Variants in OR8B12 observed in about 807,000 individuals in gnomAD.
The protein encoded by OR8B12 is olfactory receptor 8B12.
For missense variants in OR8B12, 383 were observed against 376.4 expected, an observed-to-expected ratio of 1.02 and a Z score of -0.14; for synonymous variants, 152 against 148.8, an observed-to-expected ratio of 1.02 and a Z score of -0.16.
Position 124,543,307 on chromosome 11 carries a change from C to A in OR8B12, c.348G>T (p.Ala116=). 2.5e-6 allele frequency: 4 copies of A among 1,613,976 alleles called. No individual in the cohort carries two copies. Among genetic ancestry groups the A allele is most frequent in the Non-Finnish European group, 3.4e-6 (4 of 1,179,966 alleles). Residue 116 remains alanine (A), a synonymous_variant, in exon 1 of 1, where the codon GCG becomes GCT. Transcript: ENST00000306842. The part of the protein sequence containing the change: ...FVVSESFILS[A]MAYDRYVAIC... The stretch of plus-strand genomic sequence containing the variant: ...TGGCCACGTAGCGGTCATACGCCAT[C>A]GCTGACAGGATGAAGGACTCAGAGA...
rs1003571367 is a variant in OR8B12 at position 124,542,776 on chromosome 11, G to C, written c.879C>G (p.Asn293Lys). The change falls in exon 1 of 1, where the codon AAC becomes AAG. Residue 293 changes from asparagine (N) to lysine (K), a missense_variant. Coordinates refer to ENST00000306842, the MANE Select transcript of OR8B12 (RefSeq NM_001005195.1). The stretch of plus-strand genomic sequence containing the variant: ...TCCTCAGGGCAACTTTGACATCCTT[G>C]TTCCTCAAGCTATAGATTAATGGGT... ...VLNPLIYSLR[N>K]KDVKVALRRT... is the part of the protein sequence containing the mutation. 1.2e-6 allele frequency: 2 copies of C among 1,608,714 alleles called. No homozygotes were observed. Among genetic ancestry groups the C allele is most frequent in the African/African-American group, 2.7e-5 (2 of 74,572 alleles).
In OR8B12 at chr11:124,543,274, G is replaced by C. The variant is rs779306112; in HGVS notation, c.381C>G (p.Asn127Lys). The part of the protein sequence containing the change: ...MAYDRYVAIC[N>K]PLLYTVTMSC... ...ACATGGTGACTGTGTACAACAGTGG[G>C]TTACAGATGGCCACGTAGCGGTCAT... The change falls in exon 1 of 1, where the codon AAC becomes AAG. Residue 127 changes from asparagine (N) to lysine (K), a missense_variant. Physicochemically the swap from Asn to Lys is moderately conservative, Grantham distance 94. Coordinates refer to ENST00000306842, the MANE Select transcript of OR8B12 (RefSeq NM_001005195.1). 1.2e-6 allele frequency: 2 copies of C among 1,614,092 alleles called. No individual in the cohort carries two copies. Among genetic ancestry groups the C allele is most frequent in the Non-Finnish European group, 1.7e-6 (2 of 1,180,000 alleles).
chr11:124,542,884 C>A lies in OR8B12; in HGVS notation c.771G>T (p.Met257Ile). 1 of 1,613,958 alleles carries A rather than the reference C, an allele frequency of 6.2e-7. No homozygotes were observed. Among genetic ancestry groups the A allele is most frequent in the Non-Finnish European group, 8.5e-7 (1 of 1,179,968 alleles). Reference protein sequence around the residue: ...VSLFFGSGAFMYLKPLSILPL... With the variant: ...VSLFFGSGAFIYLKPLSILPL... ...GCAGGATGGAAAGGGGTTTGAGATA[C>A]ATGAAAGCACCAGAACCAAAGAAAA... Residue 257 changes from methionine to isoleucine, a missense_variant, in exon 1 of 1, where the codon ATG becomes ATT. By Grantham distance (10) the Met-to-Ile change is conservative. Transcript: ENST00000306842.
Position 124,542,728 on chromosome 11 carries a change from A to C in OR8B12, c.927T>G (p.Phe309Leu). 6.4e-7 allele frequency: 1 copy of C among 1,573,730 alleles called. No homozygotes were observed. Among genetic ancestry groups the C allele is most frequent in the Non-Finnish European group, 8.6e-7 (1 of 1,161,154 alleles). ...CTCCAATACTAATCCTTTCTTAAGA[A>C]AAGATTTTTCTGCCCAAAGTTCTCC... ...ALRRTLGRKI[F>L]S Residue 309 changes from phenylalanine (F) to leucine (L), a missense_variant, in exon 1 of 1, where the codon TTT (phenylalanine) becomes TTG (leucine). Phe to Leu is a conservative substitution (Grantham distance 22, BLOSUM62 0). Coordinates refer to ENST00000306842, the MANE Select transcript of OR8B12 (RefSeq NM_001005195.1).
rs61746453 is a variant in OR8B12, at chr11:124,543,595, C to T, written c.60G>A (p.Pro20=). 7,686 of 1,613,988 alleles carry T rather than the reference C, an allele frequency of 4.8e-3. 246 individuals carry two copies. The African/African-American group carries it at 0.074, about 16-fold the overall frequency. The change falls in exon 1 of 1, where the codon CCG becomes CCA. Residue 20 remains proline, a synonymous_variant. Coordinates refer to ENST00000306842, the MANE Select transcript of OR8B12 (RefSeq NM_001005195.1). ...GGAAGAAGAGGGGGATCCGCAGTCC[C>T]GGCTGGTGGGTTAAGCCTTCGAGGA... The part of the protein sequence containing the change: ...EFILEGLTHQ[P]GLRIPLFFLF...
chr11:124,543,111 G>T lies in OR8B12; in HGVS notation c.544C>A (p.Pro182Thr). ...CTGTTGCAGGAGAGCTCAAGGAGAG[G>T]AAGGATGTCACACATGAAATGATTG... ...LVNHFMCDIL[P>T]LLELSCNSSY... Residue 182 changes from proline to threonine, a missense_variant, in exon 1 of 1, where the codon CCT (proline) becomes ACT (threonine). Physicochemically the swap from Pro to Thr is conservative, Grantham distance 38. Transcript: ENST00000306842. The T allele has an allele frequency of 2.5e-6, 4 of 1,614,058 alleles. No homozygotes were observed. Among genetic ancestry groups the T allele is most frequent in the South Asian group, 2.2e-5 (2 of 91,072 alleles).
In OR8B12 at chr11:124,543,127, G is replaced by A. The variant is rs755608876; in HGVS notation, c.528C>T (p.Phe176=). The A allele has an allele frequency of 6.2e-7, 1 of 1,614,018 alleles. No homozygotes were observed. Among genetic ancestry groups the A allele is most frequent in the Non-Finnish European group, 8.5e-7 (1 of 1,179,992 alleles). Residue 176 remains phenylalanine, a synonymous_variant, in exon 1 of 1, where the codon TTC becomes TTT. Coordinates refer to ENST00000306842, the MANE Select transcript of OR8B12 (RefSeq NM_001005195.1). The part of the protein sequence containing the change: ...TFCADNLVNH[F]MCDILPLLEL... ...CAAGGAGAGGAAGGATGTCACACAT[G>A]AAATGATTGACAAGGTTGTCAGCAC...
rs1156744991 is a variant in OR8B12 at position 124,542,858 on chromosome 11, G to A, written c.797C>T (p.Pro266Leu). ...FMYLKPLSIL[P>L]LEQGKVSSLF... ...GGAGGACACTTTCCCTTGCTCGAGGGGCAGGATGGAAAGGGGTTTGAGATA... is the reference window on the plus strand; with the variant it reads ...GGAGGACACTTTCCCTTGCTCGAGGAGCAGGATGGAAAGGGGTTTGAGATA... The change falls in exon 1 of 1, where the codon CCC becomes CTC. Residue 266 changes from proline (P) to leucine (L), a missense_variant. Pro to Leu is a moderately conservative substitution (Grantham distance 98). Coordinates refer to ENST00000306842, the MANE Select transcript of OR8B12 (RefSeq NM_001005195.1). The A allele has an allele frequency of 6.2e-7, 1 of 1,613,864 alleles. No homozygotes were observed. Among genetic ancestry groups the A allele is most frequent in the Admixed American group, 1.7e-5 (1 of 59,976 alleles).
chr11:124,542,800 G>T lies in OR8B12; in HGVS notation c.855C>A (p.Asn285Lys). 6.2e-7 allele frequency: 1 copy of T among 1,613,852 alleles called. No individual in the cohort carries two copies. Among genetic ancestry groups the T allele is most frequent in the South Asian group, 1.1e-5 (1 of 91,002 alleles). ...TGTTCCTCAAGCTATAGATTAATGG[G>T]TTTAACACGGGGACTATTATGGTAT... ...LFYTIIVPVL[N>K]PLIYSLRNKD... The change falls in exon 1 of 1, where the codon AAC (asparagine) becomes AAA (lysine). Residue 285 changes from asparagine to lysine, a missense_variant. Transcript: ENST00000306842.
rs777556858 is a variant in OR8B12 at position 124,542,897 on chromosome 11, G to A, written c.758C>T (p.Ser253Phe). The A allele has an allele frequency of 1.2e-6, 2 of 1,613,994 alleles. No homozygotes were observed. Among genetic ancestry groups the A allele is most frequent in the Admixed American group, 3.3e-5 (2 of 59,984 alleles). The part of the protein sequence containing the change: ...HIIVVSLFFG[S>F]GAFMYLKPLS... ...GGGTTTGAGATACATGAAAGCACCA[G>A]AACCAAAGAAAAGAGAAACTACAAT... is the stretch of plus-strand genomic sequence containing the variant. The change falls in exon 1 of 1, where the codon TCT (serine) becomes TTT (phenylalanine). Residue 253 changes from serine to phenylalanine, a missense_variant. By Grantham distance (155) the Ser-to-Phe change is radical. Transcript: ENST00000306842.
In OR8B12 at chr11:124,543,424, A is replaced by G. The variant is rs1465842925; in HGVS notation, c.231T>C (p.Thr77=). The G allele has an allele frequency of 9.3e-6, 15 of 1,613,876 alleles. No homozygotes were observed. In the Admixed American group the frequency reaches 2.0e-4, roughly 22 times the overall value. The change falls in exon 1 of 1, where the codon ACT becomes ACC. Residue 77 remains threonine, a synonymous_variant. Coordinates refer to ENST00000306842, the MANE Select transcript of OR8B12 (RefSeq NM_001005195.1). ...AGACAAAACTCATCAGCATTTTGGG[A>G]GTGATGGTAGTGGAGAAACAGAAAT... ...LIDFCFSTTI[T]PKMLMSFVSR...
chr11:124,542,837 G>A lies in OR8B12; in HGVS notation c.818C>T (p.Ser273Phe). The A allele has an allele frequency of 6.2e-7, 1 of 1,613,844 alleles. No individual in the cohort carries two copies. The highest frequency in any genetic ancestry group is 8.5e-7 in the Non-Finnish European group (1 of 1,179,788). The part of the protein sequence containing the change: ...SILPLEQGKV[S>F]SLFYTIIVPV... ...GACTATTATGGTATAGAACAGGGAG[G>A]ACACTTTCCCTTGCTCGAGGGGCAG... The change falls in exon 1 of 1, where the codon TCC becomes TTC. Residue 273 changes from serine to phenylalanine, a missense_variant. Ser to Phe is a radical substitution (Grantham distance 155, BLOSUM62 -2). Coordinates refer to ENST00000306842, the MANE Select transcript of OR8B12 (RefSeq NM_001005195.1).
rs376653327 is a variant in OR8B12 at position 124,543,071 on chromosome 11, T to C, written c.584A>G (p.Glu195Gly). 58 of 1,613,978 alleles carry C rather than the reference T, an allele frequency of 3.6e-5. No individual in the cohort carries two copies. In the East Asian group the frequency reaches 1.2e-3, roughly 34 times the overall value. ...AGCCACCACAATAAAGACCACCAGC[T>C]CATTCATGTAAGAGCTGTTGCAGGA... Reference protein sequence around the residue: ...ELSCNSSYMNELVVFIVVAVD... With the variant: ...ELSCNSSYMNGLVVFIVVAVD... The change falls in exon 1 of 1, where the codon GAG becomes GGG. Residue 195 changes from glutamate to glycine, a missense_variant. Coordinates refer to ENST00000306842, the MANE Select transcript of OR8B12 (RefSeq NM_001005195.1).
In OR8B12 at chr11:124,542,942, C is replaced by T. The variant is rs61747005; in HGVS notation, c.713G>A (p.Ser238Asn). The change falls in exon 1 of 1, where the codon AGT (serine) becomes AAT (asparagine). Residue 238 changes from serine (S) to asparagine (N), a missense_variant. By Grantham distance (46) the Ser-to-Asn change is conservative. Transcript: ENST00000306842. Reference protein sequence around the residue: ...SSTEGRSKAFSTCSSHIIVVS... With the variant: ...SSTEGRSKAFNTCSSHIIVVS... ...TACAATTATGTGGGAACTGCAAGTA[C>T]TAAAGGCTTTGGACCTGCCTTCTGT... 0.059 allele frequency: 95,179 copies of T among 1,613,762 alleles called. 3,156 individuals carry two copies. The highest frequency in any genetic ancestry group is 0.1 in the African/African-American group (7,873 of 74,986).
Position 124,543,469 on chromosome 11 carries a change from A to T in OR8B12, c.186T>A (p.Leu62=), listed in dbSNP as rs748651071. 3.7e-6 allele frequency: 6 copies of T among 1,614,104 alleles called. No homozygotes were observed. In the Admixed American group the frequency reaches 5.0e-5, roughly 13 times the overall value. ...AGAAATCTATTAAAGAGAGGTTAAA[A>T]AGGAAGAAGTACATGGGAGTGTGCA... ...SHLHTPMYFF[L]FNLSLIDFCF... is the part of the protein sequence containing the mutation. Residue 62 remains leucine (L), a synonymous_variant, in exon 1 of 1, where the codon CTT becomes CTA. Coordinates refer to ENST00000306842, the MANE Select transcript of OR8B12 (RefSeq NM_001005195.1).
In OR8B12 at chr11:124,543,406, A is replaced by G; in HGVS notation, c.249T>C (p.Ser83=). 1.2e-6 allele frequency: 2 copies of G among 1,614,096 alleles called. No homozygotes were observed. Among genetic ancestry groups the G allele is most frequent in the Non-Finnish European group, 1.7e-6 (2 of 1,179,980 alleles). ...AAATGATGTTCTTCCTTGAGACAAAACTCATCAGCATTTTGGGAGTGATGG... is the reference window on the plus strand; with the variant it reads ...AAATGATGTTCTTCCTTGAGACAAAGCTCATCAGCATTTTGGGAGTGATGG... ...STTITPKMLM[S]FVSRKNIISF... is the part of the protein sequence containing the mutation. Residue 83 remains serine (S), a synonymous_variant, in exon 1 of 1, where the codon AGT becomes AGC. Transcript: ENST00000306842.
In OR8B12 at chr11:124,542,900, C is replaced by T. The variant is rs147309924; in HGVS notation, c.755G>A (p.Gly252Asp). ...SHIIVVSLFF[G>D]SGAFMYLKPL... Reference sequence around the variant, plus strand: ...TTTGAGATACATGAAAGCACCAGAACCAAAGAAAAGAGAAACTACAATTAT... The same window carrying T: ...TTTGAGATACATGAAAGCACCAGAATCAAAGAAAAGAGAAACTACAATTAT... Residue 252 changes from glycine to aspartate, a missense_variant, in exon 1 of 1, where the codon GGT (glycine) becomes GAT (aspartate). Gly to Asp is a moderately conservative substitution (Grantham distance 94). Transcript: ENST00000306842. The T allele has an allele frequency of 1.3e-5, 21 of 1,613,804 alleles. No individual in the cohort carries two copies. The highest frequency in any genetic ancestry group is 1.7e-5 in the Non-Finnish European group (20 of 1,179,980).
rs1003571367 is a variant in OR8B12 at position 124,542,776 on chromosome 11, G to T, written c.879C>A (p.Asn293Lys). 4 of 1,608,714 alleles carry T rather than the reference G, an allele frequency of 2.5e-6. No homozygotes were observed. Among genetic ancestry groups the T allele is most frequent in the Non-Finnish European group, 2.5e-6 (3 of 1,178,306 alleles). The change falls in exon 1 of 1, where the codon AAC becomes AAA. Residue 293 changes from asparagine (N) to lysine (K), a missense_variant. Physicochemically the swap from Asn to Lys is moderately conservative, Grantham distance 94. Coordinates refer to ENST00000306842, the MANE Select transcript of OR8B12 (RefSeq NM_001005195.1). ...TCCTCAGGGCAACTTTGACATCCTT[G>T]TTCCTCAAGCTATAGATTAATGGGT... is the stretch of plus-strand genomic sequence containing the variant. ...VLNPLIYSLR[N>K]KDVKVALRRT... is the part of the protein sequence containing the mutation.
In OR8B12 at chr11:124,543,616, G is replaced by C. The variant is rs575300159; in HGVS notation, c.39C>G (p.Leu13=). The change falls in exon 1 of 1, where the codon CTC becomes CTG. Residue 13 remains leucine, a synonymous_variant. Transcript: ENST00000306842. ...AKNSSVTEFI[L]EGLTHQPGLR... ...GTCCCGGCTGGTGGGTTAAGCCTTC[G>C]AGGATAAACTCTGTCACAGAAGAGT... The C allele has an allele frequency of 6.2e-7, 1 of 1,613,420 alleles. No individual in the cohort carries two copies. The highest frequency in any genetic ancestry group is 8.5e-7 in the Non-Finnish European group (1 of 1,179,706).
Sources: gnomAD v4.1 joint callset for allele counts on GRCh38, gnomAD v4.1.1 for gene constraint, MANE v1.5 for transcripts, NCBI Gene and HGNC (gene_info 2026-07-23, HGNC 2026-07-21) for gene names.